NOVA1: variants seen among roughly 807,000 people sequenced by gnomAD.
NOVA1 encodes RNA-binding protein Nova-1.
Under a neutral mutation model 38.0 loss-of-function variants are expected in NOVA1, and 7 were observed. The ratio of observed to expected loss-of-function variants is 0.18; its 90% CI spans 0.10 to 0.35. NOVA1 has a LOEUF of 0.35. Among genes scored for constraint, NOVA1 ranks in the 10% least tolerant of loss-of-function variants. NOVA1 has a pLI of 1.00. For synonymous variants in NOVA1, 270 were observed against 232.5 expected (o/e 1.16, Z -1.47); for missense variants, 460 against 616.0 (o/e 0.75, Z 2.68).
chr14:26,530,812 C>G (rs549485964), intron 2 of NOVA1, among the ~76,000 whole-genome samples: 1 of 152,070 alleles, frequency 6.6e-6, no homozygotes. Context: ...AAATAAATTA[C>G]AGAAACCAAA....
intron 2 of NOVA1, among the ~76,000 whole-genome samples, chr14:26,548,076 T>C (rs1890910117): frequency 2.0e-5 from 3 of 152,082 alleles, no homozygotes; most frequent in Admixed American, 2.0e-4. Flanking sequence ...TTATCTACAC[T>C]ACAAAATTAG....
intron 2 of NOVA1, among the ~76,000 whole-genome samples, chr14:26,558,153 G>A (rs1207074397): frequency 6.6e-6 from 1 of 151,966 alleles, no homozygotes; most frequent in African/African-American, 2.4e-5. Flanking sequence ...AGAAAACAGG[G>A]AGGTTTTCTT....
At chr14:26,529,711 T>C (rs1297579093) in intron 2 of NOVA1, among the ~76,000 whole-genome samples, 6 of 152,132 alleles carry the variant, frequency 3.9e-5, no homozygotes, top group Admixed American at 3.9e-4. Flanking sequence ...CTTCCTAATC[T>C]TCAACCCCTT....
At chr14:26,536,283 C>CCTA (rs1890093591) in intron 2 of NOVA1, among the ~76,000 whole-genome samples, 1 of 151,386 alleles carries the variant, frequency 6.6e-6, no homozygotes, top group Admixed American at 6.6e-5. Flanking sequence ...ACGAATAAGA[C>CCTA]CTACTATTTG....
intron 2 of NOVA1, among the ~76,000 whole-genome samples, chr14:26,491,177 A>T (rs1282701656): frequency 1.3e-5 from 2 of 151,766 alleles, no homozygotes; most frequent in African/African-American, 4.8e-5. Context: ...TTTTAATTAA[A>T]AAAATTTTTT....
intron 4 of NOVA1, among the ~76,000 whole-genome samples, chr14:26,456,172 A>G (rs1883162043): frequency 6.6e-6 from 1 of 152,118 alleles, no homozygotes; most frequent in Admixed American, 6.6e-5. Context: ...TTTTCAATTT[A>G]ATGTTGTAAA....
intron 4 of NOVA1, among the ~76,000 whole-genome samples, chr14:26,452,733 T>C (rs559512268): frequency 6.6e-6 from 1 of 152,336 alleles, no homozygotes; most frequent in Admixed American, 6.5e-5. Flanking sequence ...AAGTCAGATA[T>C]GTTCTTGACA....
At chr14:26,585,843 C>G (rs1893483647) in intron 2 of NOVA1, among the ~76,000 whole-genome samples, 1 of 151,138 alleles carries the variant, frequency 6.6e-6, no homozygotes, top group African/African-American at 2.4e-5. Context: ...CAATACCTAC[C>G]CTAACACTTC....
intron 2 of NOVA1, among the ~76,000 whole-genome samples, chr14:26,541,963 T>C (rs186479327): frequency 6.6e-6 from 1 of 152,020 alleles, no homozygotes; most frequent in East Asian, 1.9e-4. Flanking sequence ...AGATCTGCCA[T>C]CTATATCATT....
intron 2 of NOVA1, among the ~76,000 whole-genome samples, chr14:26,511,969 A>G (rs1375089079): frequency 6.6e-6 from 1 of 152,146 alleles, no homozygotes; most frequent in Admixed American, 6.5e-5. Flanking sequence ...GATTCTTGGG[A>G]AAACTATTAT....
intron 2 of NOVA1, among the ~76,000 whole-genome samples, chr14:26,552,165 T>C (rs1891201556): frequency 6.6e-6 from 1 of 152,092 alleles, no homozygotes; most frequent in Admixed American, 6.6e-5. Flanking sequence ...GAAAAATATA[T>C]AGCAGTAGGT....
At chr14:26,563,914 G>A (rs1891976130) in intron 2 of NOVA1, among the ~76,000 whole-genome samples, 1 of 151,968 alleles carries the variant, frequency 6.6e-6, no homozygotes, top group Admixed American at 6.6e-5. Context: ...TTCATCCGGT[G>A]GTTTTCAGGT....
At chr14:26,562,418 C>T (rs952919857) in intron 2 of NOVA1, among the ~76,000 whole-genome samples, 9 of 152,156 alleles carry the variant, frequency 5.9e-5, no homozygotes, top group African/African-American at 2.2e-4. Flanking sequence ...TCCACAAATG[C>T]TAGCTAGCTG....
At chr14:26,574,517 G>A (rs10134225) in intron 2 of NOVA1, among the ~76,000 whole-genome samples, 88,365 of 151,732 alleles carry the variant, frequency 0.58, 30,876 homozygotes, top group Non-Finnish European at 0.75. Context: ...CTCCCATGAC[G>A]TCTTAATGTA....
intron 3 of NOVA1, among the ~76,000 whole-genome samples, chr14:26,474,653 C>T (rs894050507): frequency 1.3e-5 from 2 of 151,648 alleles, no homozygotes; most frequent in Non-Finnish European, 2.9e-5. Flanking sequence ...TATCAATGTG[C>T]CTAAGATAAT....
chr14:26,484,457 A>AAAAAAAC lies in NOVA1; in HGVS notation c.281-4315_281-4314insGTTTTTT, dbSNP rs1175375616. The stretch of plus-strand genomic sequence containing the variant: ...AAAAAAAAAAAAAAAAAAAAAAAAA[A>AAAAAAAC]AAAAAGAAATTAATTGTTCTATTTT... On this transcript the variant is annotated intron_variant, in intron 2 of 4. Transcript: ENST00000539517. Among the ~76,000 whole-genome samples the AAAAAAAC allele has an allele frequency of 5.8e-5, 6 of 102,584 alleles. 1 individual carries two copies. The highest frequency in any genetic ancestry group is 6.8e-4 in the South Asian group (2 of 2,942). 67.3% of individuals were successfully genotyped at this position (102,584 alleles called of 152,430 possible).
At chr14:26,502,847 T>C (rs1296949288) in intron 2 of NOVA1, among the ~76,000 whole-genome samples, 1 of 152,100 alleles carries the variant, frequency 6.6e-6, no homozygotes, top group African/African-American at 2.4e-5. Flanking sequence ...ACTAGTTTCA[T>C]GTTTTTTGCT....
intron 2 of NOVA1, chr14:26,593,282 G>A (rs1328771774): frequency 6.6e-6 from 1 of 151,816 alleles, no homozygotes; most frequent in East Asian, 1.9e-4. Flanking sequence ...AGGCTATGTT[G>A]AAGAATACCG....
In NOVA1 at chr14:26,494,729, T is replaced by G. The variant is rs561701485; in HGVS notation, c.281-14586A>C. ...AAATATAATCTGACTTCATTCTCTC[T>G]CTCTCTTTCTCTCTCTACCAACACC... On this transcript the variant is annotated intron_variant, in intron 2 of 4. Coordinates refer to ENST00000539517, the MANE Select transcript of NOVA1 (RefSeq NM_002515.3). 2.0e-5 allele frequency among the ~76,000 whole-genome samples: 3 copies of G among 152,108 alleles called. No individual in the cohort carries two copies. The South Asian group carries it at 6.2e-4, about 32-fold the overall frequency.
Sources: allele counts gnomAD v4.1 joint callset (sites outside exome capture counted in the v4.1 genomes callset), GRCh38; gene constraint gnomAD v4.1.1; transcripts MANE v1.5; gene names NCBI Gene and HGNC (gene_info 2026-07-23, HGNC 2026-07-21).